The following KHDRBS1 variants were observed in gnomAD, a reference collection of about 807,000 sequenced individuals.
The protein encoded by KHDRBS1 is KH RNA binding domain containing, signal transduction associated 1.
In KHDRBS1, 7 loss-of-function variants were observed where a neutral mutation model predicts 48.4. That is an observed-to-expected ratio of 0.14 (90% CI 0.08 to 0.27). KHDRBS1 has a LOEUF of 0.27. KHDRBS1 is among the 10% of genes least tolerant of loss of function. The pLI, the probability that KHDRBS1 is intolerant of heterozygous loss-of-function variation, is 1.00. For synonymous variants in KHDRBS1, 241 were observed against 235.8 expected (o/e 1.02, Z -0.20); for missense variants, 458 against 601.2 (o/e 0.76, Z 2.49).
intron 1 of KHDRBS1, among the ~76,000 whole-genome samples, chr1:32,021,403 C>CA (rs939148792): frequency 2.0e-5 from 3 of 150,480 alleles, no homozygotes; most frequent in South Asian, 2.1e-4. Context: ...CCCATGATTC[C>CA]AAAAAAAATA....
intron 10 of KHDRBS1, among the ~76,000 whole-genome samples, chr1:32,056,917 T>C (rs1490701614): frequency 5.3e-5 from 8 of 152,236 alleles, no homozygotes; most frequent in Admixed American, 5.2e-4. Context: ...ATGGAGCTTA[T>C]AGTCTATTTG....
downstream of KHDRBS1, among the ~76,000 whole-genome samples, chr1:32,047,242 T>C (rs1639368120): frequency 6.6e-6 from 1 of 152,196 alleles, no homozygotes; most frequent in African/African-American, 2.4e-5. Context: ...TACTGCGACC[T>C]CCACCTCCCG....
intron 1 of KHDRBS1, among the ~76,000 whole-genome samples, chr1:32,024,017 C>G (rs1638912659): frequency 6.6e-6 from 1 of 152,158 alleles, no homozygotes; most frequent in Non-Finnish European, 1.5e-5. Context: ...TTTGGGAGGC[C>G]AAGGTGGGTG....
Position 32,033,352 on chromosome 1 carries a change from C to T in KHDRBS1, c.771+18C>T, listed in dbSNP as rs371295275. The T allele has an allele frequency of 6.2e-7, 1 of 1,612,514 alleles. No homozygotes were observed. The highest frequency in any genetic ancestry group is 8.5e-7 in the Non-Finnish European group (1 of 1,178,734). ...TAGTACCGGTAAGGAAATCCATATCCTGTGTCTTCTGAGCAAAAGAGAACT... is the reference window on the plus strand; with the variant it reads ...TAGTACCGGTAAGGAAATCCATATCTTGTGTCTTCTGAGCAAAAGAGAACT... On this transcript the variant is annotated intron_variant, in intron 4 of 8. Transcript: ENST00000327300.
chr1:32,039,500 G>A lies in KHDRBS1; in HGVS notation c.1176-15G>A, dbSNP rs1460045726. ...TTACTCTGTAGCTTCCTAACACTCT[G>A]CCTTTGGCTTTCAGGGACTCAGAAT... On this transcript the variant is annotated splice_polypyrimidine_tract_variant and intron_variant, in intron 7 of 8. Transcript: ENST00000327300. 1 of 1,280,204 alleles carries A rather than the reference G, an allele frequency of 7.8e-7. No homozygotes were observed. The highest frequency in any genetic ancestry group is 2.3e-5 in the East Asian group (1 of 43,332). The allele number at this position is 1,280,204 out of a possible 1,614,324, so 79.3% of individuals were successfully genotyped here. A position where few individuals can be genotyped will look rare whatever the true frequency, so the allele number is the denominator to read the frequency against.
chr1:32,048,113 C>G (rs887650341), downstream of KHDRBS1, among the ~76,000 whole-genome samples: 2 of 152,180 alleles, frequency 1.3e-5, no homozygotes, highest in African/African-American at 4.8e-5. Flanking sequence ...TGAATGAGAC[C>G]TGTACCTCAG....
chr1:32,042,403 G>C (rs1221506439), intron 8 of KHDRBS1, 124 bp from the exon 9 acceptor site: 1 of 646,942 alleles, frequency 1.5e-6, no homozygotes, highest in Non-Finnish European at 2.7e-6. Context: ...GGAACACCAG[G>C]GGAAGTGTCA....
intron 2 of KHDRBS1, 78 bp downstream of exon 2, chr1:32,030,500 G>T: frequency 7.9e-7 from 1 of 1,259,338 alleles, no homozygotes; most frequent in Non-Finnish European, 1.1e-6. Flanking sequence ...AAAGACTCCT[G>T]GGGATTGTGA....
chr1:32,032,119 C>G (rs1639091915), intron 3 of KHDRBS1, among the ~76,000 whole-genome samples: 1 of 152,074 alleles, frequency 6.6e-6, no homozygotes, highest in African/African-American at 2.4e-5. Flanking sequence ...GAATGTATTC[C>G]AAAAGGAACC....
At chr1:32,047,715 A>G (rs533990562), downstream of KHDRBS1, among the ~76,000 whole-genome samples, 2 of 152,222 alleles carry the variant, frequency 1.3e-5, no homozygotes, top group South Asian at 2.1e-4. Context: ...AAAAATTCAC[A>G]TAGCATAAAA....
Position 32,042,743 on chromosome 1 carries a change from C to T in KHDRBS1, c.*119C>T, listed in dbSNP as rs1639302194. ...AAGTAATTGTCTAAGTGTTTTTCTT[C>T]GTGGTCCCCTTCTTCTCCCCACCTT... On this transcript the variant is annotated 3_prime_UTR_variant, in exon 9 of 9. Coordinates refer to ENST00000327300, the MANE Select transcript of KHDRBS1 (RefSeq NM_006559.3). 3.1e-6 allele frequency: 2 copies of T among 648,644 alleles called. No homozygotes were observed. Among genetic ancestry groups the T allele is most frequent in the South Asian group, 1.8e-5 (1 of 55,866 alleles). The allele number at this position is 648,644 out of a possible 1,614,324, so 40.2% of individuals were successfully genotyped here. A position where few individuals can be genotyped will look rare whatever the true frequency, so the allele number is the denominator to read the frequency against.
intron 7 of KHDRBS1, 49 bp downstream of exon 7, chr1:32,038,668 G>T: frequency 6.5e-7 from 1 of 1,546,312 alleles, no homozygotes. Flanking sequence ...GATGGATGGA[G>T]GGAGTTGGAG....
chr1:32,015,578 C>G (rs759649905), intron 1 of KHDRBS1, among the ~76,000 whole-genome samples: 1 of 152,142 alleles, frequency 6.6e-6, no homozygotes, highest in Admixed American at 6.5e-5. Context: ...AACTGTTGAT[C>G]CTTAAAAGTT....
intron 5 of KHDRBS1, among the ~76,000 whole-genome samples, chr1:32,037,512 G>A (rs1293324684): frequency 1.3e-5 from 2 of 151,792 alleles, no homozygotes; most frequent in Admixed American, 6.6e-5. Context: ...CAGTCTAGCT[G>A]AAACTTTTGG....
chr1:32,051,144 C>T (rs1225133689), intron 10 of KHDRBS1, among the ~76,000 whole-genome samples: 3 of 152,096 alleles, frequency 2.0e-5, no homozygotes, highest in African/African-American at 7.2e-5. Context: ...GTGATCCGCC[C>T]GCATCAGCCT....
chr1:32,028,500 CTTTTTT>C (rs1235962364), intron 1 of KHDRBS1, among the ~76,000 whole-genome samples: 1 of 123,378 alleles, frequency 8.1e-6, no homozygotes, highest in African/African-American at 3.4e-5. Flanking sequence ...ACTATATATA[CTTTTTT>C]TTTTTTTTTT....
At chr1:32,020,991 A>G (rs1638846250) in intron 1 of KHDRBS1, among the ~76,000 whole-genome samples, 1 of 152,204 alleles carries the variant, frequency 6.6e-6, no homozygotes, top group South Asian at 2.1e-4. Context: ...CCTGTACAAC[A>G]AATTTTCTTA....
intron 10 of KHDRBS1, among the ~76,000 whole-genome samples, chr1:32,050,679 AT>A (rs903180549): frequency 1.3e-5 from 2 of 151,412 alleles, no homozygotes; most frequent in Admixed American, 6.6e-5. Context: ...TGCCTGGCTA[AT>A]TTTTTTTATT....
chr1:32,038,697 A>G (rs1246973673), intron 7 of KHDRBS1, 78 bp downstream of exon 7: 5 of 1,378,396 alleles, frequency 3.6e-6, no homozygotes, highest in East Asian at 4.7e-5. Flanking sequence ...AGATTTAGAC[A>G]GTACAACCCT....
Sources: allele counts gnomAD v4.1 joint callset (sites outside exome capture counted in the v4.1 genomes callset), GRCh38; gene constraint gnomAD v4.1.1; transcripts MANE v1.5; gene names NCBI Gene and HGNC (gene_info 2026-07-23, HGNC 2026-07-21).